MYRIP: variants seen among roughly 807,000 people sequenced by gnomAD.
The protein encoded by MYRIP is myosin VIIA and Rab interacting protein.
In MYRIP, 49 loss-of-function variants were observed where a neutral mutation model predicts 98.0. The ratio of observed to expected loss-of-function variants is 0.50; its 90% CI spans 0.40 to 0.63. MYRIP has a LOEUF of 0.63. Among genes scored for constraint, MYRIP ranks in the 30% least tolerant of loss-of-function variants. MYRIP has a pLI of 0.00. For missense variants in MYRIP, 1,004 were observed against 1,058.2 expected, an observed-to-expected ratio of 0.95 and a Z score of 0.71; for synonymous variants, 404 against 409.5, an observed-to-expected ratio of 0.99 and a Z score of 0.16.
chr3:40,032,388 A>G (rs1947280602), intron 2 of MYRIP, among the ~76,000 whole-genome samples: 1 of 152,086 alleles, frequency 6.6e-6, no homozygotes, highest in Non-Finnish European at 1.5e-5. Flanking sequence ...GTGGTCTGAG[A>G]GACAGTTTGT....
chr3:39,858,673 T>C (rs1423083346), intron 1 of MYRIP, among the ~76,000 whole-genome samples: 1 of 152,114 alleles, frequency 6.6e-6, no homozygotes, highest in Non-Finnish European at 1.5e-5. Context: ...TCAAGAAGTT[T>C]GGAATCATTT....
intron 1 of MYRIP, among the ~76,000 whole-genome samples, chr3:39,826,073 T>C (rs922214452): frequency 1.2e-4 from 18 of 152,072 alleles, no homozygotes; most frequent in African/African-American, 4.1e-4. Context: ...CTCTCTTTTT[T>C]TCTTAGTCTA....
intron 2 of MYRIP, among the ~76,000 whole-genome samples, chr3:39,950,614 C>G (rs1332386566): frequency 6.6e-6 from 1 of 152,126 alleles, no homozygotes; most frequent in Non-Finnish European, 1.5e-5. Flanking sequence ...ATGACTGGGT[C>G]TCTCTTTCCA....
intron 1 of MYRIP, among the ~76,000 whole-genome samples, chr3:39,818,344 C>G (rs1940989247): frequency 6.6e-6 from 1 of 152,110 alleles, no homozygotes; most frequent in Non-Finnish European, 1.5e-5. Flanking sequence ...GTGCTAGTTT[C>G]TTGGGCAAAA....
intron 2 of MYRIP, among the ~76,000 whole-genome samples, chr3:40,004,392 T>C (rs917770030): frequency 6.6e-6 from 1 of 152,200 alleles, no homozygotes. Flanking sequence ...GTGTGGGCCA[T>C]TGAGCCCGGG....
chr3:39,995,145 A>C (rs1374219042), intron 2 of MYRIP, among the ~76,000 whole-genome samples: 1 of 152,228 alleles, frequency 6.6e-6, no homozygotes, highest in East Asian at 1.9e-4. Context: ...CCTCCTCCAA[A>C]GGAACGGAGC....
intron 2 of MYRIP, among the ~76,000 whole-genome samples, chr3:39,969,846 T>C (rs1214277351): frequency 6.6e-6 from 1 of 152,182 alleles, no homozygotes; most frequent in African/African-American, 2.4e-5. Flanking sequence ...TAGAATGAGT[T>C]TGGGAAGAGT....
chr3:40,259,561 A>G lies in MYRIP; in HGVS notation c.*1395A>G, dbSNP rs1026544162. On this transcript the variant is annotated 3_prime_UTR_variant, in exon 17 of 17. Transcript: ENST00000302541. ...AAGCCACACCTTTATGCTAATTATG[A>G]TTGGAATGCATCACAAAAGCCTAAC... The G allele has an allele frequency of 1.3e-5, 2 of 152,230 alleles. No individual in the cohort carries two copies. The highest frequency in any genetic ancestry group is 4.8e-5 in the African/African-American group (2 of 41,456). The allele number at this position is 152,230 out of a possible 1,614,324, so 9.4% of individuals were successfully genotyped here.
intron 3 of MYRIP, among the ~76,000 whole-genome samples, chr3:40,140,440 C>G (rs1010912210): frequency 1.3e-5 from 2 of 152,164 alleles, no homozygotes; most frequent in Non-Finnish European, 2.9e-5. Context: ...GCAGATGTCT[C>G]TTCGGTATAA....
intron 1 of MYRIP, among the ~76,000 whole-genome samples, chr3:39,856,289 C>T (rs1427404712): frequency 5.9e-5 from 9 of 152,138 alleles, no homozygotes; most frequent in African/African-American, 1.4e-4. Context: ...TCACAGTGTG[C>T]GTCTCTACAT....
chr3:39,966,713 T>C (rs946806761), intron 2 of MYRIP, among the ~76,000 whole-genome samples: 1 of 152,212 alleles, frequency 6.6e-6, no homozygotes, highest in African/African-American at 2.4e-5. Flanking sequence ...ATAGGTGCCG[T>C]GGCCTTTGCC....
In MYRIP at chr3:39,887,194, G is replaced by A. The variant is rs184511830; in HGVS notation, c.-30-13593G>A. Among the ~76,000 whole-genome samples the A allele has an allele frequency of 1.6e-4, 25 of 152,220 alleles. 1 individual carries two copies. Among genetic ancestry groups the A allele is most frequent in the Admixed American group, 1.4e-3 (21 of 15,286 alleles). ...CTCTGGGACGCATTCAAAGCAGGGTGTAGAGGGAAATTTGTAGCACTAAAT... is the reference window on the plus strand; with the variant it reads ...CTCTGGGACGCATTCAAAGCAGGGTATAGAGGGAAATTTGTAGCACTAAAT... On this transcript the variant is annotated intron_variant, in intron 1 of 16. Coordinates refer to ENST00000302541, the MANE Select transcript of MYRIP (RefSeq NM_015460.4).
At chr3:40,226,532 T>C (rs1952496376) in intron 11 of MYRIP, among the ~76,000 whole-genome samples, 1 of 152,222 alleles carries the variant, frequency 6.6e-6, no homozygotes, top group Admixed American at 6.5e-5. Flanking sequence ...AATCTGTTCA[T>C]GTGGCAGTCA....
At chr3:39,866,225 A>T (rs922512192) in intron 1 of MYRIP, among the ~76,000 whole-genome samples, 3 of 152,098 alleles carry the variant, frequency 2.0e-5, no homozygotes, top group Non-Finnish European at 4.4e-5. Flanking sequence ...AAATCTAGCT[A>T]TCAAGTACTG....
At chr3:39,821,335 C>A (rs1054040160) in intron 1 of MYRIP, among the ~76,000 whole-genome samples, 1 of 151,102 alleles carries the variant, frequency 6.6e-6, no homozygotes, top group Non-Finnish European at 1.5e-5. Context: ...CCCTGTACCA[C>A]CCCGCCCCGA....
At chr3:40,219,888 T>C (rs1952278582) in intron 11 of MYRIP, among the ~76,000 whole-genome samples, 3 of 149,496 alleles carry the variant, frequency 2.0e-5, no homozygotes, top group Admixed American at 2.0e-4. Flanking sequence ...TTTCTAGTTC[T>C]AGATCCCTGA....
At chr3:39,988,349 C>G (rs1347938405) in intron 2 of MYRIP, among the ~76,000 whole-genome samples, 1 of 152,034 alleles carries the variant, frequency 6.6e-6, no homozygotes, top group Non-Finnish European at 1.5e-5. Flanking sequence ...GGCCCCCACT[C>G]TCTTCTGGCT....
At chr3:40,150,876 CACA>C (rs1409549853) in intron 3 of MYRIP, among the ~76,000 whole-genome samples, 169 bp from the exon 4 acceptor site, 3 of 152,184 alleles carry the variant, frequency 2.0e-5, no homozygotes, top group African/African-American at 7.2e-5. Context: ...TCAGGATTCA[CACA>C]ACATCACTTT....
At chr3:39,935,954 A>C (rs1276200156) in intron 2 of MYRIP, among the ~76,000 whole-genome samples, 1 of 141,092 alleles carries the variant, frequency 7.1e-6, no homozygotes, top group Non-Finnish European at 1.5e-5. Context: ...ACGTTTTGAA[A>C]TATTAAAAAA....
Sources: allele counts gnomAD v4.1 joint callset (sites outside exome capture counted in the v4.1 genomes callset), GRCh38; gene constraint gnomAD v4.1.1; transcripts MANE v1.5; gene names NCBI Gene and HGNC (gene_info 2026-07-23, HGNC 2026-07-21).